MED31: variants seen among roughly 807,000 people sequenced by gnomAD.
The protein encoded by MED31 is mediator complex subunit 31, also known as mediator of RNA polymerase II transcription subunit 31.
A neutral mutation model predicts 22.0 loss-of-function variants in MED31; 11 were observed. The observed-to-expected ratio is 0.50, with a 90% CI of 0.31 to 0.83. The LOEUF is 0.83. MED31 is among the 40% of genes least tolerant of loss of function. The probability of loss-of-function intolerance (pLI) is 0.04; values close to 1 mark genes in which losing one functional copy is unlikely to be tolerated. For synonymous variants in MED31, 60 were observed against 55.1 expected (o/e 1.09, Z -0.40); for missense variants, 122 against 155.3 (o/e 0.79, Z 1.14).
chr17:6,647,466 G>C (rs1972781135), intron 3 of MED31, among the ~76,000 whole-genome samples: 1 of 152,204 alleles, frequency 6.6e-6, no homozygotes, highest in African/African-American at 2.4e-5. Flanking sequence ...TGTGTATATG[G>C]GTCACTTCTT....
chr17:6,644,520 G>A lies in MED31; in HGVS notation c.343C>T (p.Leu115Phe). ...TGCTGCTCTGCCAAGGCTTGCTGAA[G>A]GCGCATCCGCTTCCGGGAATAGTGC... ...WQHYSRKRMRLQQALAEQQQQ... is the reference protein window; with the variant it reads ...WQHYSRKRMRFQQALAEQQQQ... The change falls in exon 4 of 4, where the codon CTT becomes TTT. Residue 115 changes from leucine to phenylalanine, a missense_variant. By Grantham distance (22) the Leu-to-Phe change is conservative. Coordinates refer to ENST00000225728, the MANE Select transcript of MED31 (RefSeq NM_016060.3). The A allele has an allele frequency of 1.2e-6, 2 of 1,611,068 alleles. No homozygotes were observed. Among genetic ancestry groups the A allele is most frequent in the Admixed American group, 1.7e-5 (1 of 59,068 alleles).
intron 1 of MED31, chr17:6,651,251 C>G (rs1457599872): frequency 2.1e-6 from 1 of 476,410 alleles, no homozygotes; most frequent in East Asian, 3.3e-5. Flanking sequence ...CACACAAGTC[C>G]TCTCCCTTAG....
chr17:6,650,052 C>T lies in MED31; in HGVS notation c.133G>A (p.Asp45Asn). 2 of 1,602,762 alleles carry T rather than the reference C, an allele frequency of 1.2e-6. No homozygotes were observed. The highest frequency in any genetic ancestry group is 1.7e-6 in the Non-Finnish European group (2 of 1,177,206). ...TTAAGATAATTAACAAAAGCTTTGT[C>T]TTTGAAGTAACCTCTTTGGGCAAGA... ...NFLAQRGYFK[D>N]KAFVNYLKYL... Residue 45 changes from aspartate to asparagine, a missense_variant, in exon 3 of 4, where the codon GAC becomes AAC. Transcript: ENST00000225728.
intron 1 of MED31, 186 bp downstream of exon 1, chr17:6,651,315 G>A: frequency 1.2e-6 from 1 of 822,372 alleles, no homozygotes. Context: ...AAAGATGTGC[G>A]AACAAACCAA....
chr17:6,644,705 T>C, intron 3 of MED31, 46 bp from the exon 4 acceptor site: 1 of 1,499,190 alleles, frequency 6.7e-7, no homozygotes, highest in African/African-American at 1.4e-5. Context: ...TTTAGGTAAA[T>C]AATGCCAAGG....
In MED31 at chr17:6,644,366, T is replaced by A. The variant is rs574494868; in HGVS notation, c.*101A>T. On this transcript the variant is annotated 3_prime_UTR_variant, in exon 4 of 4. Transcript: ENST00000225728. Reference sequence around the variant, plus strand: ...ACACTAAAGGTTCTAGGGGCTACCATAATAAAGGTAGATAGGAAGAGTTTT... The same window carrying A: ...ACACTAAAGGTTCTAGGGGCTACCAAAATAAAGGTAGATAGGAAGAGTTTT... 1.1e-4 allele frequency: 152 copies of A among 1,381,904 alleles called. 2 individuals are homozygous for A. In the South Asian group the frequency reaches 1.6e-3, roughly 14 times the overall value. The allele number at this position is 1,381,904 out of a possible 1,614,324, so 85.6% of individuals were successfully genotyped here. A position where few individuals can be genotyped will look rare whatever the true frequency, so the allele number is the denominator to read the frequency against.
At chr17:6,649,871 A>C (rs1055094673) in intron 3 of MED31, 111 bp downstream of exon 3, 2 of 1,092,380 alleles carry the variant, frequency 1.8e-6, no homozygotes, top group African/African-American at 3.3e-5. Context: ...TAAGACGGTG[A>C]TAACAAAAAG....
intron 3 of MED31, among the ~76,000 whole-genome samples, chr17:6,645,885 T>C (rs371526904): frequency 7.9e-5 from 12 of 152,108 alleles, no homozygotes; most frequent in African/African-American, 2.9e-4. Context: ...TCTCAAAGGA[T>C]TTCCCTATAA....
chr17:6,644,793 A>G (rs1340359521), intron 3 of MED31, 134 bp from the exon 4 acceptor site: 4 of 1,084,860 alleles, frequency 3.7e-6, no homozygotes, highest in South Asian at 5.5e-5. Flanking sequence ...CTCTGGTAGC[A>G]TAGGGTTTTT....
intron 1 of MED31, 124 bp from the exon 2 acceptor site, chr17:6,650,557 T>A (rs1972820351): frequency 1.3e-6 from 1 of 782,222 alleles, no homozygotes; most frequent in Admixed American, 2.9e-5. Context: ...AAACTAGGAG[T>A]GGGAGGAGAT....
Position 6,644,477 on chromosome 17 carries a change from G to C in MED31, c.386C>G (p.Ser129Trp). ...LAEQQQQNNT[S>W]GK ...TTTGTATCCAGTTTTTCATTTTCCCGATGTGTTATTTTGCTGTTGCTGCTC... is the reference window on the plus strand; with the variant it reads ...TTTGTATCCAGTTTTTCATTTTCCCCATGTGTTATTTTGCTGTTGCTGCTC... Residue 129 changes from serine to tryptophan, a missense_variant, in exon 4 of 4, where the codon TCG becomes TGG. Physicochemically the swap from Ser to Trp is radical, Grantham distance 177. Coordinates refer to ENST00000225728, the MANE Select transcript of MED31 (RefSeq NM_016060.3). The C allele has an allele frequency of 6.9e-6, 11 of 1,595,256 alleles. No homozygotes were observed. The highest frequency in any genetic ancestry group is 9.4e-6 in the Non-Finnish European group (11 of 1,172,164).
rs1972818409 is a variant in MED31 at position 6,650,342 on chromosome 17, G to A, written c.106+14C>T. On this transcript the variant is annotated intron_variant, in intron 2 of 3. Coordinates refer to ENST00000225728, the MANE Select transcript of MED31 (RefSeq NM_016060.3). ...TAATAGCTACTCAATTTAATGAGGT[G>A]CTTAACAACTTACAATTAAGGTAAT... 6.2e-7 allele frequency: 1 copy of A among 1,611,368 alleles called. No individual in the cohort carries two copies. Among genetic ancestry groups the A allele is most frequent in the African/African-American group, 1.3e-5 (1 of 74,852 alleles).
intron 3 of MED31, among the ~76,000 whole-genome samples, chr17:6,647,567 ACAC>A (rs1349523536): frequency 6.6e-6 from 1 of 152,258 alleles, no homozygotes; most frequent in Non-Finnish European, 1.5e-5. Context: ...ACTGATGTGA[ACAC>A]CACATTGAAT....
In MED31 at chr17:6,644,377, G is replaced by A. The variant is rs541816508; in HGVS notation, c.*90C>T. 2.3e-5 allele frequency: 32 copies of A among 1,420,354 alleles called. No individual in the cohort carries two copies. In the South Asian group the frequency reaches 4.5e-4, roughly 20 times the overall value. The allele number at this position is 1,420,354 out of a possible 1,614,324, so 88.0% of individuals were successfully genotyped here. On this transcript the variant is annotated 3_prime_UTR_variant, in exon 4 of 4. Coordinates refer to ENST00000225728, the MANE Select transcript of MED31 (RefSeq NM_016060.3). Reference sequence around the variant, plus strand: ...TCTAGGGGCTACCATAATAAAGGTAGATAGGAAGAGTTTTCATTTTTTTTG... The same window carrying A: ...TCTAGGGGCTACCATAATAAAGGTAAATAGGAAGAGTTTTCATTTTTTTTG...
intron 3 of MED31, among the ~76,000 whole-genome samples, chr17:6,646,723 C>G (rs1230911465): frequency 6.6e-6 from 1 of 152,216 alleles, no homozygotes; most frequent in East Asian, 1.9e-4. Flanking sequence ...TCCAGGTTTC[C>G]CCCAACTGAG....
intron 3 of MED31, among the ~76,000 whole-genome samples, chr17:6,644,973 A>G (rs1301608185): frequency 6.6e-6 from 1 of 152,246 alleles, no homozygotes. Flanking sequence ...TCCAACGTGA[A>G]GAACATGAAC....
intron 3 of MED31, among the ~76,000 whole-genome samples, chr17:6,647,160 C>T (rs1034575276): frequency 9.8e-5 from 15 of 152,290 alleles, no homozygotes; most frequent in African/African-American, 3.4e-4. Flanking sequence ...ACACTCGCCT[C>T]GCCAAGACAG....
At chr17:6,650,692 C>G (rs982073360) in intron 1 of MED31, among the ~76,000 whole-genome samples, 2 of 152,136 alleles carry the variant, frequency 1.3e-5, no homozygotes, top group African/African-American at 4.8e-5. Context: ...TCCTACCACT[C>G]GTGGGCCACT....
chr17:6,649,206 GTTTTTTTTGT>G (rs1283476810), intron 3 of MED31, among the ~76,000 whole-genome samples: 2 of 16,254 alleles, frequency 1.2e-4, no homozygotes, highest in African/African-American at 9.3e-4. Flanking sequence ...AGGTGGGTTG[GTTTTTTTTGT>G]TTTTTTTGTT....
Sources: allele counts gnomAD v4.1 joint callset (sites outside exome capture counted in the v4.1 genomes callset), GRCh38; gene constraint gnomAD v4.1.1; transcripts MANE v1.5; gene names NCBI Gene and HGNC (gene_info 2026-07-23, HGNC 2026-07-21).